The following DHCR24 variants were observed in gnomAD, a reference collection of about 807,000 sequenced individuals.
The protein encoded by DHCR24 is delta(24)-sterol reductase.
A neutral mutation model predicts 61.2 loss-of-function variants in DHCR24; 28 were observed. That is an observed-to-expected ratio of 0.46 (90% CI 0.34 to 0.63). The LOEUF (loss-of-function observed/expected upper bound fraction) is 0.63. Among genes scored for constraint, DHCR24 ranks in the 20% least tolerant of loss-of-function variants. The probability of loss-of-function intolerance (pLI) is 0.01; values close to 1 mark genes in which losing one functional copy is unlikely to be tolerated. For missense variants in DHCR24, 538 were observed against 679.1 expected (o/e 0.79, Z 2.31); for synonymous variants, 261 against 275.9 (o/e 0.95, Z 0.54).
intron 6 of DHCR24, among the ~76,000 whole-genome samples, chr1:54,862,519 T>G (rs1365915058): frequency 6.6e-6 from 1 of 152,202 alleles, no homozygotes; most frequent in Non-Finnish European, 1.5e-5. Flanking sequence ...CTGCCCTGGT[T>G]GACAGCACTT....
Position 54,870,033 on chromosome 1 carries a change from G to A in DHCR24, c.876+1317C>T, listed in dbSNP as rs188247398. ...TCACGCGCTGCACTCCAGCCTGAGC[G>A]ACGGAGTGAGACTCCATCTCAAAAA... On this transcript the variant is annotated intron_variant, in intron 5 of 8. Transcript: ENST00000371269. Among the ~76,000 whole-genome samples, 18 of 150,378 alleles carry A rather than the reference G, an allele frequency of 1.2e-4. 1 individual carries two copies. The highest frequency in any genetic ancestry group is 2.1e-4 in the Non-Finnish European group (14 of 67,762).
In DHCR24 at chr1:54,851,985, G is replaced by A. The variant is rs1423910502; in HGVS notation, c.*248C>T. 1.1e-5 allele frequency: 6 copies of A among 560,428 alleles called. No homozygotes were observed. The highest frequency in any genetic ancestry group is 1.6e-5 in the Non-Finnish European group (5 of 312,260). The allele number at this position is 560,428 out of a possible 1,614,324, so 34.7% of individuals were successfully genotyped here. Reference sequence around the variant, plus strand: ...TCAGAGGGGTTAAGGGACTCACCCAGAGTCACACAGCTAATGAGTTCTAAA... The same window carrying A: ...TCAGAGGGGTTAAGGGACTCACCCAAAGTCACACAGCTAATGAGTTCTAAA... On this transcript the variant is annotated 3_prime_UTR_variant, in exon 9 of 9. Coordinates refer to ENST00000371269, the MANE Select transcript of DHCR24 (RefSeq NM_014762.4).
intron 6 of DHCR24, among the ~76,000 whole-genome samples, chr1:54,864,243 A>T (rs1646955545): frequency 1.3e-5 from 2 of 152,368 alleles, no homozygotes; most frequent in South Asian, 4.1e-4. Context: ...AAACAAATAC[A>T]TGCACATGAA....
intron 8 of DHCR24, among the ~76,000 whole-genome samples, chr1:54,852,710 G>A (rs1646883430): frequency 6.6e-6 from 1 of 152,076 alleles, no homozygotes. Context: ...CCTTTAATCT[G>A]TTATTGACTT....
Position 54,865,320 on chromosome 1 carries a change from T to C in DHCR24, c.1003A>G (p.Ile335Val), listed in dbSNP as rs541022640. ...RHYYHRHTRS[I>V]FWELQDIIPF... ...AGCCTCACCTGGAGCTCCCAGAAGA[T>C]GCTGCGCGTGTGGCGGTGGTAGTAG... is the stretch of plus-strand genomic sequence containing the variant. The change falls in exon 6 of 9, where the codon ATC (isoleucine) becomes GTC (valine). Residue 335 changes from isoleucine (I) to valine (V), a missense_variant. By Grantham distance (29) the Ile-to-Val change is conservative. Coordinates refer to ENST00000371269, the MANE Select transcript of DHCR24 (RefSeq NM_014762.4). 1.2e-6 allele frequency: 2 copies of C among 1,613,866 alleles called. No individual in the cohort carries two copies. Among genetic ancestry groups the C allele is most frequent in the Admixed American group, 1.7e-5 (1 of 59,958 alleles).
chr1:54,851,902 T>C lies in DHCR24; in HGVS notation c.*331A>G. 2 of 373,766 alleles carry C rather than the reference T, an allele frequency of 5.4e-6. No individual in the cohort carries two copies. 23.2% of individuals were successfully genotyped at this position (373,766 alleles called of 1,614,324 possible). ...CAATGTGACCAGTGCTCAACTCAGA[T>C]GACAACAACCTGCAAGTAGGTATTA... is the stretch of plus-strand genomic sequence containing the variant. On this transcript the variant is annotated 3_prime_UTR_variant, in exon 9 of 9. Transcript: ENST00000371269.
At position 54,851,993 on chromosome 1, in the gene DHCR24, C is replaced by T. The variant is rs1412400338; in HGVS notation, c.*240G>A. The stretch of plus-strand genomic sequence containing the variant: ...GTTAAGGGACTCACCCAGAGTCACA[C>T]AGCTAATGAGTTCTAAACGGGGAAC... On this transcript the variant is annotated 3_prime_UTR_variant, in exon 9 of 9. Transcript: ENST00000371269. The T allele has an allele frequency of 8.4e-5, 48 of 570,940 alleles. No individual in the cohort carries two copies. The highest frequency in any genetic ancestry group is 1.4e-4 in the Non-Finnish European group (45 of 319,360). 35.4% of individuals were successfully genotyped at this position (570,940 alleles called of 1,614,324 possible).
chr1:54,863,432 T>C (rs582222), intron 6 of DHCR24, among the ~76,000 whole-genome samples: 104,222 of 152,116 alleles, frequency 0.69, 36,249 homozygotes, highest in South Asian at 0.84. Flanking sequence ...TAGCCTCTGG[T>C]GCCTGTTTGA....
rs189074069 is a variant in DHCR24 at position 54,886,787 on chromosome 1, T to C, written c.231+102A>G. The C allele has an allele frequency of 2.2e-3, 2,696 of 1,221,774 alleles. 82 individuals carry two copies. The Admixed American group carries it at 0.071, about 32-fold the overall frequency. The allele number at this position is 1,221,774 out of a possible 1,614,324, so 75.7% of individuals were successfully genotyped here. ...AGCTCCCCACCCCCCCAGGAAGTCC[T>C]GGCCGCCCCCGCACCGCAGCTCCCG... is the stretch of plus-strand genomic sequence containing the variant. On this transcript the variant is annotated intron_variant, in intron 1 of 8. Coordinates refer to ENST00000371269, the MANE Select transcript of DHCR24 (RefSeq NM_014762.4).
intron 5 of DHCR24, among the ~76,000 whole-genome samples, chr1:54,866,293 G>C (rs1406993148): frequency 6.6e-6 from 1 of 151,838 alleles, no homozygotes; most frequent in Non-Finnish European, 1.5e-5. Context: ...CTTTGTGGGA[G>C]TTATTTGTCT....
chr1:54,850,540 G>A lies in DHCR24; in HGVS notation c.*1693C>T, dbSNP rs1646869509. On this transcript the variant is annotated 3_prime_UTR_variant, in exon 9 of 9. Coordinates refer to ENST00000371269, the MANE Select transcript of DHCR24 (RefSeq NM_014762.4). ...CAGTGTGCCAAGCCTTGGGTGGGAT[G>A]GGTGAACACCCTTCAATGACTCTGA... The A allele has an allele frequency of 6.6e-6, 1 of 152,184 alleles. No homozygotes were observed. Among genetic ancestry groups the A allele is most frequent in the South Asian group, 2.1e-4 (1 of 4,826 alleles). The allele number at this position is 152,184 out of a possible 1,614,324, so 9.4% of individuals were successfully genotyped here.
chr1:54,853,284 GA>G, intron 8 of DHCR24, 149 bp downstream of exon 8: 1 of 1,012,864 alleles, frequency 9.9e-7, no homozygotes, highest in Non-Finnish European at 1.5e-6. Flanking sequence ...CTTACCTCCT[GA>G]CCCAGAGGCT....
At chr1:54,867,126 G>A (rs1353761912) in intron 5 of DHCR24, among the ~76,000 whole-genome samples, 1 of 152,186 alleles carries the variant, frequency 6.6e-6, no homozygotes, top group Non-Finnish European at 1.5e-5. Context: ...CAGCTGAGGA[G>A]GCCAGGTGGC....
At chr1:54,865,536 C>T (rs1208216915) in intron 5 of DHCR24, 90 bp from the exon 6 acceptor site, 2 of 1,558,858 alleles carry the variant, frequency 1.3e-6, no homozygotes, top group Non-Finnish European at 1.8e-6. Flanking sequence ...CTGTTCAGCA[C>T]TCCTGGCCTT....
chr1:54,887,042 C>G lies in DHCR24; in HGVS notation c.78G>C (p.Val26=), dbSNP rs760182910. Residue 26 remains valine, a synonymous_variant, in exon 1 of 9, where the codon GTG becomes GTC. Coordinates refer to ENST00000371269, the MANE Select transcript of DHCR24 (RefSeq NM_014762.4). ...CGAACACCCAGCGCTGGTGGATGAG[C>G]ACGAACTCCAGCCCCTTCAGGCGCA... is the stretch of plus-strand genomic sequence containing the variant. ...LWVRLKGLEF[V]LIHQRWVFVC... is the part of the protein sequence containing the mutation. 46 of 1,612,636 alleles carry G rather than the reference C, an allele frequency of 2.9e-5. No individual in the cohort carries two copies. The South Asian group carries it at 4.6e-4, about 16-fold the overall frequency.
intron 2 of DHCR24, among the ~76,000 whole-genome samples, chr1:54,878,513 T>C (rs1003476030): frequency 1.6e-4 from 4 of 25,326 alleles, no homozygotes; most frequent in Non-Finnish European, 1.9e-4. Context: ...AAACTCTGTC[T>C]CAAAAAAAAA....
Position 54,851,114 on chromosome 1 carries a change from T to C in DHCR24, c.*1119A>G, listed in dbSNP as rs1379788900. The C allele has an allele frequency of 6.6e-6, 1 of 152,584 alleles. No homozygotes were observed. Among genetic ancestry groups the C allele is most frequent in the Non-Finnish European group, 1.5e-5 (1 of 68,026 alleles). The allele number at this position is 152,584 out of a possible 1,614,324, so 9.5% of individuals were successfully genotyped here. A position where few individuals can be genotyped will look rare whatever the true frequency, so the allele number is the denominator to read the frequency against. ...TCTGGAACGGAAATGGAACTTTCTC[T>C]GAGCTTAGGATTTGTAAGGCACTGA... On this transcript the variant is annotated 3_prime_UTR_variant, in exon 9 of 9. Transcript: ENST00000371269.
intron 1 of DHCR24, 51 bp downstream of exon 1, chr1:54,886,838 C>T (rs1557442059): frequency 6.3e-7 from 1 of 1,594,386 alleles, no homozygotes; most frequent in African/African-American, 1.3e-5. Flanking sequence ...CCGCTATCCC[C>T]GCGCACGCCG....
intron 6 of DHCR24, 144 bp from the exon 7 acceptor site, chr1:54,854,378 T>C: frequency 2.9e-6 from 2 of 693,444 alleles, no homozygotes; most frequent in East Asian, 2.7e-5. Flanking sequence ...GGGGGTGTGA[T>C]GGGACCTAGG....
Sources: gnomAD v4.1 joint callset for allele counts (sites outside exome capture counted in the v4.1 genomes callset) on GRCh38, gnomAD v4.1.1 for gene constraint, MANE v1.5 for transcripts, NCBI Gene and HGNC (gene_info 2026-07-23, HGNC 2026-07-21) for gene names.